The following PTBP2 variants were observed in gnomAD, a reference collection of about 807,000 sequenced individuals.
PTBP2 encodes polypyrimidine tract-binding protein 2.
In PTBP2, 13 loss-of-function variants were observed where a neutral mutation model predicts 61.4. The ratio of observed to expected loss-of-function variants is 0.21; its 90% CI spans 0.14 to 0.34. The LOEUF is 0.34. Ranked by LOEUF, PTBP2 falls within the 10% of genes least tolerant of loss-of-function variation. PTBP2 has a pLI of 1.00. For synonymous variants in PTBP2, 215 were observed against 218.5 expected (o/e 0.98, Z 0.14); for missense variants, 405 against 642.6 (o/e 0.63, Z 4.00).
chr1:96,733,165 A>G (rs752239517), intron 2 of PTBP2, among the ~76,000 whole-genome samples: 1 of 151,914 alleles, frequency 6.6e-6, no homozygotes, highest in Non-Finnish European at 1.5e-5. Flanking sequence ...TCTGGGGGGA[A>G]TTTGTTTCCT....
At chr1:96,791,834 T>TGTTTTTTTTTTG (rs71590211) in intron 8 of PTBP2, among the ~76,000 whole-genome samples, 21 of 128,790 alleles carry the variant, frequency 1.6e-4, no homozygotes, top group African/African-American at 2.1e-4. Context: ...TGCTTTTTTT[T>TGTTTTTTTTTTG]TTTTTTTTTT....
In PTBP2 at chr1:96,813,039, G is replaced by A. The variant is rs1461714967; in HGVS notation, c.1399G>A (p.Ala467Thr). The change falls in exon 13 of 14, where the codon GCA becomes ACA. Residue 467 changes from alanine (A) to threonine (T), a missense_variant. This residue lies in a region of PTBP2 where 24 missense variants were observed against 27.7 expected (regional missense o/e 0.87). Transcript: ENST00000674951. ...LHLSNIPPSV[A>T]EEDLRTLFAN... ...ATTCAATTTTCCTAGTCCATCAGTA[G>A]CAGAAGAGGATCTACGAACACTGTT... The A allele has an allele frequency of 1.9e-6, 3 of 1,612,628 alleles. No individual in the cohort carries two copies. Among genetic ancestry groups the A allele is most frequent in the Non-Finnish European group, 2.5e-6 (3 of 1,179,058 alleles).
At chr1:96,732,889 T>C (rs1374601882) in intron 2 of PTBP2, among the ~76,000 whole-genome samples, 1 of 152,158 alleles carries the variant, frequency 6.6e-6, no homozygotes, top group Non-Finnish European at 1.5e-5. Context: ...AGAGAAAAGA[T>C]AGAATGGCAG....
At chr1:96,737,637 G>A (rs1335974442) in intron 2 of PTBP2, among the ~76,000 whole-genome samples, 1 of 152,186 alleles carries the variant, frequency 6.6e-6, no homozygotes, top group Non-Finnish European at 1.5e-5. Flanking sequence ...AAGTAATGAT[G>A]AGGAAAATTG....
At chr1:96,729,701 G>A (rs564249040) in intron 2 of PTBP2, among the ~76,000 whole-genome samples, 1 of 147,866 alleles carries the variant, frequency 6.8e-6, no homozygotes, top group African/African-American at 2.5e-5. Context: ...GTTGCTGAAT[G>A]TATTTGTGTA....
chr1:96,723,497 T>C (rs767094564), intron 1 of PTBP2, 67 bp from the exon 2 acceptor site: 1 of 1,406,162 alleles, frequency 7.1e-7, no homozygotes, highest in African/African-American at 1.4e-5. Context: ...CTAAAAAGTT[T>C]TAGAGCCAAA....
intron 9 of PTBP2, 122 bp downstream of exon 9, chr1:96,805,061 C>G: frequency 4.1e-6 from 3 of 722,898 alleles, no homozygotes; most frequent in Non-Finnish European, 6.3e-6. Flanking sequence ...AAAGTATTTT[C>G]TGTATGTTTC....
rs1661358821 is a variant in PTBP2, at chr1:96,804,926, A to G, written c.1031A>G (p.Asn344Ser). The change falls in exon 9 of 14, where the codon AAT becomes AGT. Residue 344 changes from asparagine (N) to serine (S), a missense_variant. Physicochemically the swap from Asn to Ser is conservative, Grantham distance 46 (BLOSUM62 1). Around this residue, in one of 4 missense-constraint regions of PTBP2, gnomAD observed 342 missense variants for 491.2 expected, o/e 0.70. Coordinates refer to ENST00000674951, the MANE Select transcript of PTBP2 (RefSeq NM_021190.4). Reference sequence around the variant, plus strand: ...GGCAATACAGTCCTGTTGGTTAGCAATTTAAATGAAGAGGTTAGTAAAATA... The same window carrying G: ...GGCAATACAGTCCTGTTGGTTAGCAGTTTAAATGAAGAGGTTAGTAAAATA... Reference protein sequence around the residue: ...AGGNTVLLVSNLNEEMVTPQS... With the variant: ...AGGNTVLLVSSLNEEMVTPQS... 1 of 1,590,286 alleles carries G rather than the reference A, an allele frequency of 6.3e-7. No individual in the cohort carries two copies. The highest frequency in any genetic ancestry group is 1.7e-5 in the Admixed American group (1 of 57,786).
chr1:96,809,905 T>C (rs996214045), intron 11 of PTBP2, among the ~76,000 whole-genome samples: 3 of 151,972 alleles, frequency 2.0e-5, no homozygotes, highest in Non-Finnish European at 4.4e-5. Flanking sequence ...TGGAAATCAA[T>C]GGTATAAAAG....
chr1:96,735,291 A>G (rs1299093290), intron 2 of PTBP2, among the ~76,000 whole-genome samples: 1 of 152,182 alleles, frequency 6.6e-6, no homozygotes, highest in Admixed American at 6.5e-5. Context: ...CATAATAGTA[A>G]TACTATACAG....
At chr1:96,789,899 A>T (rs1659602527) in intron 8 of PTBP2, among the ~76,000 whole-genome samples, 1 of 152,156 alleles carries the variant, frequency 6.6e-6, no homozygotes, top group African/African-American at 2.4e-5. Flanking sequence ...TAATATGATT[A>T]TTACACTTAC....
chr1:96,783,360 TAA>T (rs1409862472), intron 7 of PTBP2, among the ~76,000 whole-genome samples: 1 of 152,012 alleles, frequency 6.6e-6, no homozygotes, highest in Non-Finnish European at 1.5e-5. Flanking sequence ...TCCACCTACA[TAA>T]AGTTTTTGTT....
At chr1:96,731,752 A>C (rs964434658) in intron 2 of PTBP2, among the ~76,000 whole-genome samples, 9 of 152,080 alleles carry the variant, frequency 5.9e-5, no homozygotes, top group African/African-American at 2.2e-4. Context: ...GACTATTAAG[A>C]AAGAATATTT....
chr1:96,796,900 T>A (rs1660451583), intron 8 of PTBP2, among the ~76,000 whole-genome samples: 1 of 152,010 alleles, frequency 6.6e-6, no homozygotes, highest in African/African-American at 2.4e-5. Flanking sequence ...ATATAAGTGT[T>A]GAATGACCAT....
chr1:96,807,385 T>C (rs1191728268), intron 11 of PTBP2, among the ~76,000 whole-genome samples: 2 of 152,206 alleles, frequency 1.3e-5, no homozygotes, highest in African/African-American at 4.8e-5. Flanking sequence ...AAGCTTGTGC[T>C]AAAAACACTG....
intron 8 of PTBP2, among the ~76,000 whole-genome samples, chr1:96,796,965 T>C (rs2101132592): frequency 6.6e-6 from 1 of 152,296 alleles, no homozygotes; most frequent in Non-Finnish European, 1.5e-5. Flanking sequence ...AAGTTGCTAA[T>C]ATGGATGGCA....
chr1:96,789,600 A>C (rs922473726), intron 8 of PTBP2, among the ~76,000 whole-genome samples: 1 of 152,048 alleles, frequency 6.6e-6, no homozygotes, highest in Non-Finnish European at 1.5e-5. Context: ...ATAATTTTCT[A>C]TATGTTTGTG....
intron 8 of PTBP2, among the ~76,000 whole-genome samples, chr1:96,794,018 C>A (rs146531495): frequency 6.6e-4 from 101 of 152,306 alleles, no homozygotes; most frequent in African/African-American, 2.3e-3. Flanking sequence ...TTAAGACTAT[C>A]TGATCATCCA....
At chr1:96,788,983 G>A (rs1659496247) in intron 8 of PTBP2, among the ~76,000 whole-genome samples, 1 of 151,948 alleles carries the variant, frequency 6.6e-6, no homozygotes, top group African/African-American at 2.4e-5. Context: ...CACATATTCT[G>A]TTTCAAAGAA....
Sources: gnomAD v4.1 joint callset for allele counts (sites outside exome capture counted in the v4.1 genomes callset) on GRCh38, gnomAD v4.1.1 for gene constraint, gnomAD v4.1.1 regional missense constraint, MANE v1.5 for transcripts, NCBI Gene and HGNC (gene_info 2026-07-23, HGNC 2026-07-21) for gene names.